TMPRSS12: variants seen among roughly 807,000 people sequenced by gnomAD.
TMPRSS12 encodes the protein transmembrane protease serine 12.
A neutral mutation model predicts 26.0 loss-of-function variants in TMPRSS12; 25 were observed. The ratio of observed to expected loss-of-function variants is 0.96; its 90% confidence interval spans 0.70 to 1.34. The LOEUF (loss-of-function observed/expected upper bound fraction) is 1.34. TMPRSS12 is among the 40% of genes most tolerant of loss of function. The pLI, the probability that TMPRSS12 is intolerant of heterozygous loss-of-function variation, is 0.00. For missense variants in TMPRSS12, 441 were observed against 440.1 expected, an observed-to-expected ratio of 1.00 and a Z score of -0.02; for synonymous variants, 150 against 161.7, an observed-to-expected ratio of 0.93 and a Z score of 0.55.
intron 3 of TMPRSS12, among the ~76,000 whole-genome samples, chr12:50,874,294 A>T (rs1242273269): frequency 2.0e-5 from 3 of 152,158 alleles, no homozygotes; most frequent in Admixed American, 2.0e-4. Context: ...AGCTTTCATG[A>T]ATAAAGACTC....
At chr12:50,876,442 A>G (rs938196707) in intron 3 of TMPRSS12, among the ~76,000 whole-genome samples, 3 of 152,050 alleles carry the variant, frequency 2.0e-5, no homozygotes, top group African/African-American at 7.3e-5. Flanking sequence ...AGACGCATGC[A>G]CTCCTATGTT....
rs140792441 is a variant in TMPRSS12 at position 50,873,028 on chromosome 12, G to T, written c.653-12218G>T. ...AGCCATAAAAAAGAATGAATTAACG[G>T]CATTCGCAGCGACCTGGATGAGATT... On this transcript the variant is annotated intron_variant, in intron 3 of 4. Coordinates refer to ENST00000398458, the MANE Select transcript of TMPRSS12 (RefSeq NM_182559.3). 2.6e-4 allele frequency among the ~76,000 whole-genome samples: 40 copies of T among 151,186 alleles called. No individual in the cohort carries two copies. The East Asian group carries it at 7.2e-3, about 27-fold the overall frequency.
chr12:50,870,387 G>A (rs112946620), intron 3 of TMPRSS12, among the ~76,000 whole-genome samples: 4 of 150,990 alleles, frequency 2.6e-5, no homozygotes, highest in African/African-American at 9.7e-5. Flanking sequence ...AGAGGCATTC[G>A]GCAAAATCCA....
At chr12:50,848,926 A>T (rs922683912) in intron 2 of TMPRSS12, among the ~76,000 whole-genome samples, 1 of 152,218 alleles carries the variant, frequency 6.6e-6, no homozygotes, top group Admixed American at 6.5e-5. Context: ...GTGCAGTAGC[A>T]CAGTCTTGGC....
intron 3 of TMPRSS12, among the ~76,000 whole-genome samples, chr12:50,865,445 C>T (rs557498133): frequency 8.6e-5 from 13 of 151,624 alleles, no homozygotes; most frequent in South Asian, 4.2e-4. Flanking sequence ...ACTGTAGCAC[C>T]GAAGGGAAAA....
chr12:50,885,841 T>G (rs1250505539), intron 4 of TMPRSS12: 2 of 218,522 alleles, frequency 9.2e-6, no homozygotes, highest in African/African-American at 4.7e-5. Flanking sequence ...TTTTTTTTTG[T>G]ATTTTCAGTA....
chr12:50,887,268 A>C lies in TMPRSS12; in HGVS notation c.802A>C (p.Ser268Arg), dbSNP rs1938235862. 3 of 1,613,228 alleles carry C rather than the reference A, an allele frequency of 1.9e-6. No individual in the cohort carries two copies. The highest frequency in any genetic ancestry group is 2.5e-6 in the Non-Finnish European group (3 of 1,179,504). The change falls in exon 5 of 5, where the codon AGT becomes CGT. Residue 268 changes from serine (S) to arginine (R), a missense_variant. Ser to Arg is a moderately radical substitution (Grantham distance 110). Transcript: ENST00000398458. ...TTTGGGACTTTTTTGACAGGGTGAC[A>C]GTGGGGGACCATTAATGTGCTACTT... is the stretch of plus-strand genomic sequence containing the variant. Reference protein sequence around the residue: ...DGAFDTCRGDSGGPLMCYLPE... With the variant: ...DGAFDTCRGDRGGPLMCYLPE...
chr12:50,872,046 A>G (rs1344577033), intron 3 of TMPRSS12, among the ~76,000 whole-genome samples: 1 of 152,186 alleles, frequency 6.6e-6, no homozygotes, highest in African/African-American at 2.4e-5. Flanking sequence ...TTCCTTAAAG[A>G]ACTGAAAGTA....
chr12:50,869,908 C>A (rs1938025908), intron 3 of TMPRSS12, among the ~76,000 whole-genome samples: 1 of 152,294 alleles, frequency 6.6e-6, no homozygotes, highest in African/African-American at 2.4e-5. Context: ...CTTGGTGAAA[C>A]CCTGTCCCTA....
At chr12:50,877,576 A>G (rs1169765608) in intron 3 of TMPRSS12, among the ~76,000 whole-genome samples, 1 of 152,212 alleles carries the variant, frequency 6.6e-6, no homozygotes, top group Non-Finnish European at 1.5e-5. Context: ...ATTTAAGAAC[A>G]CAATTCCATT....
rs933313632 is a variant in TMPRSS12, at chr12:50,885,085, A to G, written c.653-161A>G. Among the ~76,000 whole-genome samples, 8 of 152,240 alleles carry G rather than the reference A, an allele frequency of 5.3e-5. No homozygotes were observed. Among genetic ancestry groups the G allele is most frequent in the East Asian group, 1.9e-4 (1 of 5,182 alleles). On this transcript the variant is annotated intron_variant, in intron 3 of 4. Transcript: ENST00000398458. ...ACATTTAGGTAAACATTCTTCTACAATCTTCCTAGGCATACATACATATTC... is the reference window on the plus strand; with the variant it reads ...ACATTTAGGTAAACATTCTTCTACAGTCTTCCTAGGCATACATACATATTC...
At chr12:50,852,245 G>A (rs956399826) in intron 2 of TMPRSS12, among the ~76,000 whole-genome samples, 2 of 152,070 alleles carry the variant, frequency 1.3e-5, no homozygotes, top group African/African-American at 4.8e-5. Context: ...GCACAGAGTG[G>A]CAAGTTGGAT....
intron 2 of TMPRSS12, among the ~76,000 whole-genome samples, chr12:50,850,467 C>T (rs1456305704): frequency 6.6e-6 from 1 of 152,138 alleles, no homozygotes; most frequent in African/African-American, 2.4e-5. Context: ...GTGGTCCCAG[C>T]TACTAAGGAT....
intron 3 of TMPRSS12, among the ~76,000 whole-genome samples, chr12:50,864,052 G>A (rs947038237): frequency 2.0e-5 from 3 of 152,090 alleles, no homozygotes; most frequent in Non-Finnish European, 2.9e-5. Context: ...CCATCCCCAT[G>A]TTTACTGGGA....
intron 3 of TMPRSS12, among the ~76,000 whole-genome samples, chr12:50,869,107 A>G (rs568091907): frequency 2.1e-4 from 32 of 152,164 alleles, no homozygotes; most frequent in African/African-American, 6.3e-4. Context: ...ACAAGAAAAA[A>G]AAACAAACCC....
chr12:50,856,722 G>C, intron 2 of TMPRSS12, among the ~76,000 whole-genome samples: 1 of 151,964 alleles, frequency 6.6e-6, no homozygotes, highest in Non-Finnish European at 1.5e-5. Flanking sequence ...GTCTCACTCT[G>C]TTGCTCAGGC....
intron 4 of TMPRSS12, chr12:50,885,905 T>A (rs928138752): frequency 2.4e-5 from 4 of 165,516 alleles, no homozygotes; most frequent in African/African-American, 9.6e-5. Flanking sequence ...TGACCTCAAG[T>A]GATCTGCCCA....
intron 2 of TMPRSS12, among the ~76,000 whole-genome samples, chr12:50,856,738 T>C (rs1937881601): frequency 6.6e-6 from 1 of 152,218 alleles, no homozygotes; most frequent in African/African-American, 2.4e-5. Context: ...CAGGCTTGAG[T>C]GCAGTGGCAT....
At position 50,885,348 on chromosome 12, in the gene TMPRSS12, T is replaced by C; in HGVS notation, c.755T>C (p.Phe252Ser). The change falls in exon 4 of 5, where the codon TTT becomes TCT. Residue 252 changes from phenylalanine to serine, a missense_variant. Phe to Ser is a radical substitution (Grantham distance 155). Transcript: ENST00000398458. ...GGGGGAATAATTCCTAACACTTCAT[T>C]TTGTGCAGGTGATGAAGATGGAGCT... ...SYGGIIPNTS[F>S]CAGDEDGAFD... is the part of the protein sequence containing the mutation. The C allele has an allele frequency of 1.2e-6, 2 of 1,613,790 alleles. No homozygotes were observed. Among genetic ancestry groups the C allele is most frequent in the Non-Finnish European group, 1.7e-6 (2 of 1,179,804 alleles).
Sources: gnomAD v4.1 joint callset for allele counts (sites outside exome capture counted in the v4.1 genomes callset) on GRCh38, gnomAD v4.1.1 for gene constraint, MANE v1.5 for transcripts, NCBI Gene and HGNC (gene_info 2026-07-23, HGNC 2026-07-21) for gene names.